AHI1: variants seen among roughly 807,000 people sequenced by gnomAD.
The protein encoded by AHI1 is Abelson helper integration site 1.
AHI1 carries 123 observed loss-of-function variants against 149.3 expected under a neutral mutation model. That is an observed-to-expected ratio of 0.82 (90% confidence interval 0.71 to 0.96). The LOEUF is 0.96. Ranked by LOEUF, AHI1 falls within the 40% of genes least tolerant of loss-of-function variation. AHI1 has a pLI of 0.00. For missense variants in AHI1, 1,439 were observed against 1,422.7 expected, an observed-to-expected ratio of 1.01 and a Z score of -0.18; for synonymous variants, 475 against 459.8, an observed-to-expected ratio of 1.03 and a Z score of -0.42.
chr6:135,350,777 A>C (rs2746428), intron 24 of AHI1, among the ~76,000 whole-genome samples: 1 of 152,140 alleles, frequency 6.6e-6, no homozygotes, highest in Non-Finnish European at 1.5e-5. Context: ...GAGTGGGAGA[A>C]AGGTTGGTTG....
chr6:135,386,969 G>A (rs745367503), intron 23 of AHI1, among the ~76,000 whole-genome samples: 38 of 151,832 alleles, frequency 2.5e-4, no homozygotes, highest in Non-Finnish European at 3.7e-4. Flanking sequence ...GCTCTGTCTC[G>A]ACCTCCAGGC....
At chr6:135,302,633 T>C (rs1784019048) in intron 26 of AHI1, 1 of 1,153,708 alleles carries the variant, frequency 8.7e-7, no homozygotes, top group Admixed American at 4.4e-5. Flanking sequence ...GGGGTCCACA[T>C]TACAAAGTTT....
At chr6:135,331,488 T>TC (rs1266062635) in intron 24 of AHI1, among the ~76,000 whole-genome samples, 1 of 152,210 alleles carries the variant, frequency 6.6e-6, no homozygotes, top group Non-Finnish European at 1.5e-5. Flanking sequence ...CAGGCTGTTG[T>TC]AAGACATTAG....
At chr6:135,456,167 A>C (rs1005747136) in intron 9 of AHI1, among the ~76,000 whole-genome samples, 7 of 152,240 alleles carry the variant, frequency 4.6e-5, no homozygotes, top group Admixed American at 1.3e-4. Context: ...ATAGAAATAT[A>C]AAGTGAGAAG....
chr6:135,353,812 G>A (rs1019901108), intron 24 of AHI1, among the ~76,000 whole-genome samples: 10 of 151,890 alleles, frequency 6.6e-5, no homozygotes, highest in East Asian at 1.9e-4. Flanking sequence ...TAAGACTAAC[G>A]CATATTAAAG....
intron 26 of AHI1, among the ~76,000 whole-genome samples, chr6:135,307,884 T>C (rs1256495952): frequency 6.6e-6 from 1 of 152,138 alleles, no homozygotes; most frequent in Non-Finnish European, 1.5e-5. Flanking sequence ...GAGGTGCATC[T>C]AGTGGACAGA....
At chr6:135,420,883 T>C (rs1281339632) in intron 20 of AHI1, among the ~76,000 whole-genome samples, 2 of 152,212 alleles carry the variant, frequency 1.3e-5, no homozygotes, top group Admixed American at 1.3e-4. Context: ...TTGCCCTATC[T>C]CAGCTTTCCC....
chr6:135,363,588 C>T (rs1434141709), intron 23 of AHI1, among the ~76,000 whole-genome samples: 5 of 152,078 alleles, frequency 3.3e-5, no homozygotes, highest in Admixed American at 3.3e-4. Context: ...GGGGTGGTGG[C>T]CGGGCAGAGG....
intron 23 of AHI1, among the ~76,000 whole-genome samples, chr6:135,377,456 C>T (rs113191293): frequency 0.012 from 1,726 of 144,982 alleles, 38 homozygotes; most frequent in African/African-American, 0.044. Context: ...AGTAATCTGG[C>T]TTTGAGTTAT....
At position 135,339,661 on chromosome 6, in the gene AHI1, A is replaced by G. The variant is rs190673325; in HGVS notation, c.3166-16337T>C. On this transcript the variant is annotated intron_variant, in intron 24 of 28. Coordinates refer to ENST00000265602, the MANE Select transcript of AHI1 (RefSeq NM_001134831.2). ...AACAGAAGGAAAATAGAATGAACAA[A>G]AATGAACAGAGCCTCAGAGAATTAT... Among the ~76,000 whole-genome samples, 7 of 152,316 alleles carry G rather than the reference A, an allele frequency of 4.6e-5. No homozygotes were observed. The East Asian group carries it at 1.3e-3, about 29-fold the overall frequency.
chr6:135,400,241 A>G (rs1170577655), intron 22 of AHI1, among the ~76,000 whole-genome samples: 1 of 152,192 alleles, frequency 6.6e-6, no homozygotes, highest in Non-Finnish European at 1.5e-5. Flanking sequence ...AAATATCCAA[A>G]TATACGTTTT....
intron 13 of AHI1, among the ~76,000 whole-genome samples, chr6:135,445,795 G>A (rs1415715077): frequency 1.3e-5 from 2 of 151,892 alleles, no homozygotes; most frequent in South Asian, 2.1e-4. Context: ...GGTGGCTCAC[G>A]CCTGTAATCC....
At position 135,442,062 on chromosome 6, in the gene AHI1, A is replaced by T. The variant is rs1008355994; in HGVS notation, c.1912+520T>A. 5.9e-5 allele frequency among the ~76,000 whole-genome samples: 9 copies of T among 152,160 alleles called. No homozygotes were observed. In the East Asian group the frequency reaches 1.7e-3, roughly 29 times the overall value. On this transcript the variant is annotated intron_variant, in intron 14 of 28. Coordinates refer to ENST00000265602, the MANE Select transcript of AHI1 (RefSeq NM_001134831.2). ...GAGTATTTAATGCTTCTAAGTCTAGAACAGTATGATAATGCTCACTTTAGA... is the reference window on the plus strand; with the variant it reads ...GAGTATTTAATGCTTCTAAGTCTAGTACAGTATGATAATGCTCACTTTAGA...
At position 135,305,360 on chromosome 6, in the gene AHI1, C is replaced by T. The variant is rs927974261; in HGVS notation, c.3427-4802G>A. ...ATATAGCAATTTTTCTGGAAATATACTTGGATTCATAAATTGTAATCAAAA... is the reference window on the plus strand; with the variant it reads ...ATATAGCAATTTTTCTGGAAATATATTTGGATTCATAAATTGTAATCAAAA... On this transcript the variant is annotated intron_variant, in intron 26 of 28. Coordinates refer to ENST00000265602, the MANE Select transcript of AHI1 (RefSeq NM_001134831.2). Among the ~76,000 whole-genome samples the T allele has an allele frequency of 3.9e-5, 6 of 152,194 alleles. No individual in the cohort carries two copies. The South Asian group carries it at 1.2e-3, about 31-fold the overall frequency.
At chr6:135,381,701 C>T (rs946259496) in intron 23 of AHI1, among the ~76,000 whole-genome samples, 5 of 152,230 alleles carry the variant, frequency 3.3e-5, no homozygotes, top group Admixed American at 6.5e-5. Context: ...TACATGTAAT[C>T]GGACTTACTC....
At chr6:135,382,607 A>C (rs1356964501) in intron 23 of AHI1, among the ~76,000 whole-genome samples, 1 of 152,142 alleles carries the variant, frequency 6.6e-6, no homozygotes, top group East Asian at 1.9e-4. Context: ...TTCTGAGTAT[A>C]GTTTTAGCAG....
chr6:135,373,775 C>T (rs1775424056), intron 23 of AHI1, among the ~76,000 whole-genome samples: 1 of 152,110 alleles, frequency 6.6e-6, no homozygotes, highest in South Asian at 2.1e-4. Context: ...GAAGACAGAA[C>T]ATATGTCCAG....
At chr6:135,410,990 A>G (rs1381889719) in intron 21 of AHI1, among the ~76,000 whole-genome samples, 1 of 152,100 alleles carries the variant, frequency 6.6e-6, no homozygotes, top group Non-Finnish European at 1.5e-5. Flanking sequence ...TTACAGGTGT[A>G]CGCCACCATG....
chr6:135,301,149 G>A (rs770659735), intron 26 of AHI1: 26 of 984,656 alleles, frequency 2.6e-5, no homozygotes, highest in Non-Finnish European at 3.1e-5. Context: ...TCATATTAAA[G>A]TATACTGTGG....
Sources: allele counts gnomAD v4.1 joint callset (sites outside exome capture counted in the v4.1 genomes callset), GRCh38; gene constraint gnomAD v4.1.1; transcripts MANE v1.5; gene names NCBI Gene and HGNC (gene_info 2026-07-23, HGNC 2026-07-21).